The following JCAD variants were observed in gnomAD, a reference collection of about 807,000 sequenced individuals.
JCAD encodes the protein junctional cadherin 5 associated.
In JCAD, 40 loss-of-function variants were observed where a neutral mutation model predicts 98.0. That is an observed-to-expected ratio of 0.41 (90% CI 0.32 to 0.53). The LOEUF (loss-of-function observed/expected upper bound fraction) is 0.53, where lower values mean the gene tolerates loss of function less well. Ranked by LOEUF, JCAD falls within the 20% of genes least tolerant of loss-of-function variation. JCAD has a pLI of 0.31. For missense variants in JCAD, 1,705 were observed against 1,738.1 expected (o/e 0.98, Z 0.34); for synonymous variants, 691 against 682.3 (o/e 1.01, Z -0.20).
In JCAD at chr10:30,014,327, C is replaced by T. The variant is rs1314138787; in HGVS notation, c.*3556G>A. On this transcript the variant is annotated 3_prime_UTR_variant, in exon 4 of 4. Coordinates refer to ENST00000375377, the MANE Select transcript of JCAD (RefSeq NM_020848.4). ...CATCCCGTCTTTTAAGCTTCATCTC[C>T]CCTGCATAAATGGGTCTGGTAGAAC... The T allele has an allele frequency of 6.6e-6, 1 of 152,168 alleles. No individual in the cohort carries two copies. The highest frequency in any genetic ancestry group is 2.4e-5 in the African/African-American group (1 of 41,430). 9.4% of individuals were successfully genotyped at this position (152,168 alleles called of 1,614,324 possible). A position where few individuals can be genotyped will look rare whatever the true frequency, so the allele number is the denominator to read the frequency against.
chr10:30,103,312 T>C (rs1838502019), intron 1 of JCAD, among the ~76,000 whole-genome samples: 3 of 152,174 alleles, frequency 2.0e-5, no homozygotes, highest in Admixed American at 6.5e-5. Context: ...TTCTTTGAGA[T>C]ATATACCCAA....
At position 30,053,559 on chromosome 10, in the gene JCAD, CA is replaced by C. The variant is rs374863516; in HGVS notation, c.-59-5689del. 5.5e-3 allele frequency among the ~76,000 whole-genome samples: 696 copies of C among 126,764 alleles called. 1 individual carries two copies. The highest frequency in any genetic ancestry group is 0.019 in the African/African-American group (658 of 34,482). 83.2% of individuals were successfully genotyped at this position (126,764 alleles called of 152,430 possible). ...GGGTGACAGAGCGGATACTCTGTCT[CA>C]AAAAAAAAAGAAAAGAAAAGAAAAG... On this transcript the variant is annotated intron_variant, in intron 1 of 3. Transcript: ENST00000375377.
intron 2 of JCAD, among the ~76,000 whole-genome samples, chr10:30,040,198 A>T (rs775248453): frequency 3.9e-5 from 6 of 152,124 alleles, no homozygotes; most frequent in Non-Finnish European, 8.8e-5. Flanking sequence ...GACGTAGCTG[A>T]CTGTCATCAC....
intron 2 of JCAD, among the ~76,000 whole-genome samples, chr10:30,042,072 C>T (rs1837253997): frequency 6.6e-6 from 1 of 152,178 alleles, no homozygotes; most frequent in South Asian, 2.1e-4. Flanking sequence ...TCATGCAAAG[C>T]CCACAGCCAG....
At chr10:30,063,152 G>GAA (rs34177789), upstream of JCAD, among the ~76,000 whole-genome samples, 55,090 of 145,606 alleles carry the variant, frequency 0.38, 12,366 homozygotes, top group Non-Finnish European at 0.51. Context: ...TTAAACACAG[G>GAA]AAAAAAAAAA....
chr10:30,108,018 T>G (rs1838617637), intron 1 of JCAD, among the ~76,000 whole-genome samples: 1 of 151,992 alleles, frequency 6.6e-6, no homozygotes. Context: ...AGCCCTATCT[T>G]AAGAATGATG....
rs182348330 is a variant in JCAD, at chr10:30,037,294, G to C, written c.282-7428C>G. Among the ~76,000 whole-genome samples the C allele has an allele frequency of 2.1e-4, 32 of 152,238 alleles. No individual in the cohort carries two copies. In the East Asian group the frequency reaches 4.6e-3, roughly 22 times the overall value. Reference sequence around the variant, plus strand: ...CCGTGCAAATATCCCTCTGATACAGGGTAACGAATGGGCTAATTTTGGAAA... The same window carrying C: ...CCGTGCAAATATCCCTCTGATACAGCGTAACGAATGGGCTAATTTTGGAAA... On this transcript the variant is annotated intron_variant, in intron 2 of 3. Coordinates refer to ENST00000375377, the MANE Select transcript of JCAD (RefSeq NM_020848.4).
chr10:30,022,634 G>A (rs777074245), intron 3 of JCAD, among the ~76,000 whole-genome samples: 2 of 152,200 alleles, frequency 1.3e-5, no homozygotes, highest in Non-Finnish European at 2.9e-5. Flanking sequence ...AAGGCCCACA[G>A]GGGGCCACCT....
At chr10:30,110,730 C>G (rs1838680986) in intron 1 of JCAD, among the ~76,000 whole-genome samples, 2 of 151,254 alleles carry the variant, frequency 1.3e-5, no homozygotes, top group East Asian at 2.0e-4. Flanking sequence ...GTATATAGAC[C>G]ACTGATGTGT....
chr10:30,108,326 A>AG lies in JCAD; in HGVS notation n.128+7040dup, dbSNP rs1838624506. Reference sequence around the variant, plus strand: ...AAACTCCATATTAAAAAAAAAAAAAAGAGTGATGGCGTTATCAGGGGTGGT... The same window carrying AG: ...AAACTCCATATTAAAAAAAAAAAAAAGGAGTGATGGCGTTATCAGGGGTGGT... On this transcript the variant is annotated intron_variant and non_coding_transcript_variant, in intron 1 of 2. Coordinates refer to the JCAD transcript ENST00000465712. Among the ~76,000 whole-genome samples, 22 of 147,998 alleles carry AG rather than the reference A, an allele frequency of 1.5e-4. 3 individuals carry two copies. In the South Asian group the frequency reaches 4.7e-3, roughly 32 times the overall value.
chr10:30,080,138 A>AG (rs1173496379), intron 1 of JCAD, among the ~76,000 whole-genome samples: 1 of 152,176 alleles, frequency 6.6e-6, no homozygotes, highest in Non-Finnish European at 1.5e-5. Context: ...TCAGTGAGTG[A>AG]GGAAAAAAAA....
Position 30,015,237 on chromosome 10 carries a change from T to G in JCAD, c.*2646A>C, listed in dbSNP as rs1836509843. ...CAAATTATTAAACACCAACAGTAAA[T>G]TGTGTGCATGAGAAGAACAAAGACA... On this transcript the variant is annotated 3_prime_UTR_variant, in exon 4 of 4. Transcript: ENST00000375377. 1 of 152,180 alleles carries G rather than the reference T, an allele frequency of 6.6e-6. No homozygotes were observed. The highest frequency in any genetic ancestry group is 2.1e-4 in the South Asian group (1 of 4,824). The allele number at this position is 152,180 out of a possible 1,614,324, so 9.4% of individuals were successfully genotyped here.
At chr10:30,048,013 G>C in intron 1 of JCAD, 142 bp from the exon 2 acceptor site, 1 of 532,182 alleles carries the variant, frequency 1.9e-6, no homozygotes, top group South Asian at 3.0e-5. Flanking sequence ...GGGGACACAG[G>C]GATGGCTCTG....
At position 30,027,510 on chromosome 10, in the gene JCAD, C is replaced by A. The variant is rs1361480429; in HGVS notation, c.2638G>T (p.Gly880Cys). Residue 880 changes from glycine to cysteine, a missense_variant, in exon 3 of 4, where the codon GGC becomes TGC. Around this residue, in one of 3 missense-constraint regions of JCAD, gnomAD observed 1,278 missense variants for 1,243.1 expected, o/e 1.03. Transcript: ENST00000375377. ...ATTTCCGGGCTGTTTCCGCGGAAGC[C>A]CACATCCTCCTGTCTGCAGTGAGCA... Reference protein sequence around the residue: ...NRAHCRQEDVGFRGNSPEMRV... With the variant: ...NRAHCRQEDVCFRGNSPEMRV... The A allele has an allele frequency of 6.2e-7, 1 of 1,610,946 alleles. No homozygotes were observed. The highest frequency in any genetic ancestry group is 1.3e-5 in the African/African-American group (1 of 74,940).
chr10:30,089,758 C>A (rs1036076042), intron 1 of JCAD, among the ~76,000 whole-genome samples: 1 of 152,048 alleles, frequency 6.6e-6, no homozygotes, highest in Non-Finnish European at 1.5e-5. Flanking sequence ...TGGAATAGAG[C>A]AGCAGATGCC....
At chr10:30,083,853 G>A (rs886896219) in intron 1 of JCAD, among the ~76,000 whole-genome samples, 5 of 152,112 alleles carry the variant, frequency 3.3e-5, no homozygotes, top group East Asian at 1.9e-4. Flanking sequence ...ATAGTGAGAC[G>A]CCATCTTTAC....
chr10:30,055,117 G>A (rs1278243051), intron 1 of JCAD, among the ~76,000 whole-genome samples: 1 of 152,180 alleles, frequency 6.6e-6, no homozygotes, highest in African/African-American at 2.4e-5. Context: ...CTCTTAACCT[G>A]TTTTCAGGAA....
chr10:30,080,297 A>G, intron 1 of JCAD, among the ~76,000 whole-genome samples: 1 of 152,214 alleles, frequency 6.6e-6, no homozygotes, highest in Non-Finnish European at 1.5e-5. Flanking sequence ...AGCAACACAG[A>G]GAACTCTCCT....
At position 30,013,451 on chromosome 10, in the gene JCAD, T is replaced by C. The variant is rs1339168285; in HGVS notation, c.*4432A>G. 1.3e-5 allele frequency: 2 copies of C among 152,018 alleles called. No homozygotes were observed. Among genetic ancestry groups the C allele is most frequent in the Non-Finnish European group, 2.9e-5 (2 of 68,012 alleles). 9.4% of individuals were successfully genotyped at this position (152,018 alleles called of 1,614,324 possible). ...AATTTCAGCTGACCTAGGTGGAGAG[T>C]ACTTCATTGATTTTTATAATCTGGA... is the stretch of plus-strand genomic sequence containing the variant. On this transcript the variant is annotated 3_prime_UTR_variant, in exon 4 of 4. Coordinates refer to ENST00000375377, the MANE Select transcript of JCAD (RefSeq NM_020848.4).
Sources: allele counts gnomAD v4.1 joint callset (sites outside exome capture counted in the v4.1 genomes callset), GRCh38; gene constraint gnomAD v4.1.1; regional missense constraint gnomAD v4.1.1; transcripts MANE v1.5; gene names NCBI Gene and HGNC (gene_info 2026-07-23, HGNC 2026-07-21).